Variants in OSMR observed in about 807,000 individuals in gnomAD.
OSMR encodes the protein oncostatin-M-specific receptor subunit beta.
In OSMR, 81 loss-of-function variants were observed where a neutral mutation model predicts 99.9. The observed-to-expected ratio is 0.81, with a 90% CI of 0.68 to 0.97. The LOEUF (loss-of-function observed/expected upper bound fraction) is 0.97. OSMR is among the 50% of genes least tolerant of loss of function. The probability of loss-of-function intolerance (pLI) is 0.00; values close to 1 mark genes in which losing one functional copy is unlikely to be tolerated. For missense variants in OSMR, 1,099 were observed against 1,153.4 expected (o/e 0.95, Z 0.68); for synonymous variants, 406 against 410.4 (o/e 0.99, Z 0.13).
At chr5:38,869,806 C>T (rs966500645) in intron 2 of OSMR, among the ~76,000 whole-genome samples, 1 of 152,074 alleles carries the variant, frequency 6.6e-6, no homozygotes, top group African/African-American at 2.4e-5. Flanking sequence ...ACTTGAGTTT[C>T]TATTGGTTCA....
At chr5:38,929,625 C>A (rs1746627976) in intron 15 of OSMR, among the ~76,000 whole-genome samples, 1 of 152,148 alleles carries the variant, frequency 6.6e-6, no homozygotes, top group South Asian at 2.1e-4. Context: ...TAAATTGGTA[C>A]AAGCAATTTT....
intron 3 of OSMR, among the ~76,000 whole-genome samples, chr5:38,880,914 A>G (rs1351046919): frequency 6.6e-6 from 1 of 152,254 alleles, no homozygotes; most frequent in Admixed American, 6.5e-5. Context: ...CTCAACTTAG[A>G]CAAGCTTCCT....
At chr5:38,901,638 G>A (rs75502023) in intron 7 of OSMR, among the ~76,000 whole-genome samples, 5,852 of 152,238 alleles carry the variant, frequency 0.038, 138 homozygotes, top group South Asian at 0.09. Flanking sequence ...TGTCCAAAAT[G>A]TGAGAGGCTG....
chr5:38,930,823 A>G (rs1051097276), intron 15 of OSMR, among the ~76,000 whole-genome samples: 2 of 152,186 alleles, frequency 1.3e-5, no homozygotes, highest in Admixed American at 6.5e-5. Flanking sequence ...GGAGGATTAT[A>G]TAATTGTTTT....
chr5:38,855,715 A>G (rs1442911159), intron 1 of OSMR, among the ~76,000 whole-genome samples: 2 of 41,302 alleles, frequency 4.8e-5, no homozygotes, highest in Non-Finnish European at 9.5e-5. Context: ...TGCCACCGCC[A>G]CACCCCCCCA....
chr5:38,931,305 G>A (rs547510882), intron 15 of OSMR, among the ~76,000 whole-genome samples: 12 of 151,912 alleles, frequency 7.9e-5, no homozygotes, highest in East Asian at 1.9e-4. Flanking sequence ...CAGGTCAGCC[G>A]AGACTTGGCT....
In OSMR at chr5:38,881,703, C is replaced by T. The variant is rs751337172; in HGVS notation, c.357C>T (p.Asp119=). ...THFVRIKSLV[D]DAKFPEPNFW... ...TTGTAAGAATAAAGAGTTTGGTGGACGATGCCAAGTTCCCTGAGCCAAATT... is the reference window on the plus strand; with the variant it reads ...TTGTAAGAATAAAGAGTTTGGTGGATGATGCCAAGTTCCCTGAGCCAAATT... The change falls in exon 4 of 18, where the codon GAC becomes GAT. Residue 119 remains aspartate, a synonymous_variant. Transcript: ENST00000274276. The T allele has an allele frequency of 3.1e-5, 50 of 1,614,018 alleles. No individual in the cohort carries two copies. The highest frequency in any genetic ancestry group is 1.1e-4 in the South Asian group (10 of 91,086).
chr5:38,880,231 C>T (rs1312001103), intron 3 of OSMR, among the ~76,000 whole-genome samples: 3 of 152,292 alleles, frequency 2.0e-5, no homozygotes, highest in South Asian at 2.1e-4. Context: ...GAGTTGCTAA[C>T]GCCAAGCAGT....
chr5:38,859,018 T>A (rs1408361116), intron 1 of OSMR, among the ~76,000 whole-genome samples: 1 of 152,238 alleles, frequency 6.6e-6, no homozygotes. Flanking sequence ...GTCAGATGAA[T>A]GGTTTGCAAA....
chr5:38,884,950 A>T (rs905826068), intron 5 of OSMR, among the ~76,000 whole-genome samples: 2 of 151,994 alleles, frequency 1.3e-5, no homozygotes, highest in African/African-American at 4.8e-5. Flanking sequence ...TTCCCTGAAC[A>T]CTCAGCTCCT....
At chr5:38,874,462 G>T (rs927162404) in intron 2 of OSMR, among the ~76,000 whole-genome samples, 1 of 152,112 alleles carries the variant, frequency 6.6e-6, no homozygotes, top group Admixed American at 6.5e-5. Context: ...GTTTTCTGAG[G>T]TGTTCCTCCA....
intron 9 of OSMR, among the ~76,000 whole-genome samples, chr5:38,906,988 T>G (rs1745279963): frequency 6.6e-6 from 1 of 152,230 alleles, no homozygotes; most frequent in Non-Finnish European, 1.5e-5. Context: ...AGCCAAAATT[T>G]TTTTAAACCA....
chr5:38,909,846 G>A (rs1184768826), intron 9 of OSMR, among the ~76,000 whole-genome samples: 1 of 152,102 alleles, frequency 6.6e-6, no homozygotes, highest in Non-Finnish European at 1.5e-5. Flanking sequence ...CAGCTAACAA[G>A]ACAATGACAG....
chr5:38,868,892 T>G, intron 1 of OSMR, 140 bp from the exon 2 acceptor site: 1 of 970,584 alleles, frequency 1.0e-6, no homozygotes, highest in Non-Finnish European at 1.5e-6. Flanking sequence ...GACTCTAAAG[T>G]ACCATGACAA....
chr5:38,871,088 A>G (rs1327292251), intron 2 of OSMR, among the ~76,000 whole-genome samples: 3 of 152,212 alleles, frequency 2.0e-5, no homozygotes, highest in South Asian at 2.1e-4. Flanking sequence ...AGAGAAAATA[A>G]TAAAACAATA....
rs528189269 is a variant in OSMR at position 38,850,343 on chromosome 5, C to A, written c.-14+3956C>A. Reference sequence around the variant, plus strand: ...ATTGAAAGCATTTTTAAATTGATTTCTTTTAAAATTACATGCTAAAGAACT... The same window carrying A: ...ATTGAAAGCATTTTTAAATTGATTTATTTTAAAATTACATGCTAAAGAACT... On this transcript the variant is annotated intron_variant, in intron 1 of 17. Coordinates refer to ENST00000274276, the MANE Select transcript of OSMR (RefSeq NM_003999.3). Among the ~76,000 whole-genome samples, 8 of 152,308 alleles carry A rather than the reference C, an allele frequency of 5.3e-5. No homozygotes were observed. The South Asian group carries it at 1.4e-3, about 28-fold the overall frequency.
At chr5:38,936,633 ATCT>A (rs945644160), downstream of OSMR, among the ~76,000 whole-genome samples, 10 of 152,354 alleles carry the variant, frequency 6.6e-5, no homozygotes, top group South Asian at 1.9e-3. Context: ...ACTTAATAAT[ATCT>A]TCTTATTAAA....
chr5:38,858,049 A>G (rs1027965683), intron 1 of OSMR, among the ~76,000 whole-genome samples: 2 of 152,240 alleles, frequency 1.3e-5, no homozygotes, highest in Non-Finnish European at 2.9e-5. Context: ...TGGTACATGC[A>G]TAAAATGCGT....
chr5:38,901,030 C>T (rs568966743), intron 7 of OSMR, among the ~76,000 whole-genome samples: 2 of 152,320 alleles, frequency 1.3e-5, no homozygotes, highest in African/African-American at 4.8e-5. Flanking sequence ...CTTCTGACAA[C>T]ATGGCTAGGC....
Sources: gnomAD v4.1 joint callset for allele counts (sites outside exome capture counted in the v4.1 genomes callset) on GRCh38, gnomAD v4.1.1 for gene constraint, MANE v1.5 for transcripts, NCBI Gene and HGNC (gene_info 2026-07-23, HGNC 2026-07-21) for gene names.